DYNC1I2: variants seen among roughly 807,000 people sequenced by gnomAD.
The protein encoded by DYNC1I2 is dynein cytoplasmic 1 intermediate chain 2, also known as cytoplasmic dynein 1 intermediate chain 2.
In DYNC1I2, 53 loss-of-function variants were observed where a neutral mutation model predicts 88.6. That is an observed-to-expected ratio of 0.60 (90% confidence interval 0.48 to 0.75). DYNC1I2 has a LOEUF of 0.75. DYNC1I2 is among the 30% of genes least tolerant of loss of function. DYNC1I2 has a pLI of 0.00. For synonymous variants in DYNC1I2, 198 were observed against 254.6 expected, an observed-to-expected ratio of 0.78 and a Z score of 2.12; for missense variants, 458 against 766.6, an observed-to-expected ratio of 0.60 and a Z score of 4.75.
intron 3 of DYNC1I2, 133 bp downstream of exon 3, chr2:171,693,027 G>T: frequency 1.4e-6 from 1 of 727,670 alleles, no homozygotes. Flanking sequence ...CTTTTATTTG[G>T]AATTGTCTTT....
chr2:171,745,674 A>C lies in DYNC1I2; in HGVS notation c.1678-128A>C, dbSNP rs566612259. 9 of 994,686 alleles carry C rather than the reference A, an allele frequency of 9.0e-6. No homozygotes were observed. The African/African-American group carries it at 1.3e-4, about 14-fold the overall frequency. The allele number at this position is 994,686 out of a possible 1,614,324, so 61.6% of individuals were successfully genotyped here. A position where few individuals can be genotyped will look rare whatever the true frequency, so the allele number is the denominator to read the frequency against. On this transcript the variant is annotated intron_variant, in intron 16 of 17. Coordinates refer to ENST00000397119, the MANE Select transcript of DYNC1I2 (RefSeq NM_001378.3). ...TCACTGAAGAAGAAGAAAGTTGGGG[A>C]AATTCTTACCTGTTTTCATCTTTGT... is the stretch of plus-strand genomic sequence containing the variant.
At chr2:171,696,666 C>T (rs966875435) in intron 3 of DYNC1I2, among the ~76,000 whole-genome samples, 2 of 152,086 alleles carry the variant, frequency 1.3e-5, no homozygotes, top group African/African-American at 4.8e-5. Flanking sequence ...CTAATTTTCT[C>T]AGTGCCATTT....
chr2:171,736,135 A>G (rs184048796), intron 15 of DYNC1I2, among the ~76,000 whole-genome samples: 41 of 152,338 alleles, frequency 2.7e-4, no homozygotes, highest in African/African-American at 8.9e-4. Flanking sequence ...ACAACTATGC[A>G]TATTTAGACA....
At position 171,731,884 on chromosome 2, in the gene DYNC1I2, C is replaced by G. The variant is rs376482148; in HGVS notation, c.1536+2031C>G. Among the ~76,000 whole-genome samples, 11 of 152,158 alleles carry G rather than the reference C, an allele frequency of 7.2e-5. No homozygotes were observed. In the East Asian group the frequency reaches 1.3e-3, roughly 19 times the overall value. ...AAGATACATAGTAATCATACAAAGGCAAGACAGTTAAAGGATGCAGTATGA... is the reference window on the plus strand; with the variant it reads ...AAGATACATAGTAATCATACAAAGGGAAGACAGTTAAAGGATGCAGTATGA... On this transcript the variant is annotated intron_variant, in intron 15 of 17. Transcript: ENST00000397119.
intron 3 of DYNC1I2, among the ~76,000 whole-genome samples, chr2:171,705,471 T>C (rs919438971): frequency 3.3e-5 from 5 of 152,112 alleles, no homozygotes; most frequent in South Asian, 2.1e-4. Context: ...AAATTAGGTA[T>C]GTAATTTAAA....
chr2:171,723,227 A>AG (rs904583045), intron 7 of DYNC1I2, among the ~76,000 whole-genome samples: 14 of 152,164 alleles, frequency 9.2e-5, no homozygotes, highest in African/African-American at 3.4e-4. Flanking sequence ...AAGTTGAAGG[A>AG]GGAGAATAAG....
chr2:171,742,773 C>T (rs1169436367), intron 15 of DYNC1I2, among the ~76,000 whole-genome samples: 3 of 152,188 alleles, frequency 2.0e-5, no homozygotes, highest in Non-Finnish European at 4.4e-5. Context: ...TGCTTCTCTC[C>T]ACCACTTCTG....
chr2:171,729,981 AGT>A (rs1193842804), intron 15 of DYNC1I2, 128 bp downstream of exon 15: 2 of 1,068,486 alleles, frequency 1.9e-6, no homozygotes, highest in African/African-American at 3.2e-5. Flanking sequence ...CCTGCTAGGA[AGT>A]TACACAGAGC....
intron 17 of DYNC1I2, among the ~76,000 whole-genome samples, chr2:171,746,444 C>G (rs1487094491): frequency 2.6e-5 from 4 of 152,150 alleles, no homozygotes; most frequent in Non-Finnish European, 4.4e-5. Flanking sequence ...CTCTGATTGG[C>G]TGAACACAAA....
intron 15 of DYNC1I2, among the ~76,000 whole-genome samples, chr2:171,740,044 TAGG>T (rs1689310928): frequency 6.6e-6 from 1 of 152,134 alleles, no homozygotes; most frequent in Non-Finnish European, 1.5e-5. Flanking sequence ...CTCTTTAAAG[TAGG>T]GCTTGCATCC....
chr2:171,710,843 C>G (rs1269192763), intron 5 of DYNC1I2, among the ~76,000 whole-genome samples: 1 of 151,488 alleles, frequency 6.6e-6, no homozygotes, highest in East Asian at 1.9e-4. Flanking sequence ...GCTGGGATTG[C>G]AGGTGTGTGT....
chr2:171,706,496 G>A, intron 3 of DYNC1I2, 51 bp from the exon 4 acceptor site: 1 of 1,515,596 alleles, frequency 6.6e-7, no homozygotes, highest in Non-Finnish European at 9.1e-7. Context: ...TTTTCTATAA[G>A]AAGGGATTAA....
rs542783641 is a variant in DYNC1I2, at chr2:171,747,695, T to C, written c.1804-81T>C. 1.0e-4 allele frequency: 99 copies of C among 967,478 alleles called. No individual in the cohort carries two copies. The African/African-American group carries it at 1.6e-3, about 16-fold the overall frequency. 59.9% of individuals were successfully genotyped at this position (967,478 alleles called of 1,614,324 possible). A position where few individuals can be genotyped will look rare whatever the true frequency, so the allele number is the denominator to read the frequency against. Reference sequence around the variant, plus strand: ...AATTATTACTTTTTAACAGAAAAATTATTTGAAAACAAACTGAATAATAGT... The same window carrying C: ...AATTATTACTTTTTAACAGAAAAATCATTTGAAAACAAACTGAATAATAGT... On this transcript the variant is annotated intron_variant, in intron 17 of 17. Coordinates refer to ENST00000397119, the MANE Select transcript of DYNC1I2 (RefSeq NM_001378.3).
chr2:171,706,624 A>G (rs1686696940), intron 4 of DYNC1I2, 60 bp downstream of exon 4: 4 of 1,492,934 alleles, frequency 2.7e-6, no homozygotes, highest in East Asian at 4.5e-5. Context: ...TATGTTATGC[A>G]TAATGTCTAG....
intron 5 of DYNC1I2, among the ~76,000 whole-genome samples, chr2:171,709,066 T>C (rs312923): frequency 0.018 from 2,670 of 152,230 alleles, 90 homozygotes; most frequent in African/African-American, 0.062. Context: ...TCTACAACAT[T>C]ACCATAGTAA....
At chr2:171,739,079 G>T (rs1483596748) in intron 15 of DYNC1I2, among the ~76,000 whole-genome samples, 1 of 141,234 alleles carries the variant, frequency 7.1e-6, no homozygotes, top group Non-Finnish European at 1.5e-5. Flanking sequence ...TCACACCATT[G>T]CACTCTAGCC....
intron 15 of DYNC1I2, among the ~76,000 whole-genome samples, chr2:171,733,042 C>G (rs1284941435): frequency 6.6e-6 from 1 of 152,056 alleles, no homozygotes; most frequent in Non-Finnish European, 1.5e-5. Context: ...CTCTATGTGT[C>G]TACATGTATG....
chr2:171,725,870 G>A (rs764902609), intron 8 of DYNC1I2, 49 bp from the exon 9 acceptor site: 44 of 1,493,094 alleles, frequency 2.9e-5, no homozygotes, highest in South Asian at 3.9e-5. Flanking sequence ...GTGAGTTGAC[G>A]TGATTTGCCT....
At position 171,723,612 on chromosome 2, in the gene DYNC1I2, C is replaced by G. The variant is rs1688042475; in HGVS notation, c.512-2006C>G. Among the ~76,000 whole-genome samples the G allele has an allele frequency of 2.6e-5, 4 of 152,112 alleles. No homozygotes were observed. The South Asian group carries it at 8.3e-4, about 32-fold the overall frequency. On this transcript the variant is annotated intron_variant, in intron 7 of 17. Transcript: ENST00000397119. ...TAATAATTCGTTGTATATGAGAATT[C>G]ATCTAAAAAGGAGTAGTGTCTTTCT... is the stretch of plus-strand genomic sequence containing the variant.
Sources: gnomAD v4.1 joint callset for allele counts (sites outside exome capture counted in the v4.1 genomes callset) on GRCh38, gnomAD v4.1.1 for gene constraint, MANE v1.5 for transcripts, NCBI Gene and HGNC (gene_info 2026-07-23, HGNC 2026-07-21) for gene names.